SLCO1B1: variants seen among roughly 807,000 people sequenced by gnomAD.
The protein encoded by SLCO1B1 is solute carrier organic anion transporter family member 1B1, also known as OATP-2.
In SLCO1B1, 81 loss-of-function variants were observed where a neutral mutation model predicts 70.1. The observed-to-expected ratio is 1.16, with a 90% CI of 0.97 to 1.39. The LOEUF (loss-of-function observed/expected upper bound fraction) is 1.39. Ranked by LOEUF, SLCO1B1 falls within the 40% of genes most tolerant of loss-of-function variation. The pLI is 0.00. For synonymous variants in SLCO1B1, 283 were observed against 271.5 expected (o/e 1.04, Z -0.42); for missense variants, 895 against 799.6 (o/e 1.12, Z -1.44).
chr12:21,165,755 G>C (rs11045808), intron 2 of SLCO1B1, among the ~76,000 whole-genome samples: 17,809 of 152,064 alleles, frequency 0.12, 1,351 homozygotes, highest in South Asian at 0.29. Context: ...ACAAAGAGAA[G>C]TTAGCTGTTT....
chr12:21,209,567 T>C (rs921737542), intron 11 of SLCO1B1, among the ~76,000 whole-genome samples: 4 of 152,206 alleles, frequency 2.6e-5, no homozygotes, highest in Admixed American at 6.5e-5. Flanking sequence ...CATTTGGGTA[T>C]ATACCCAGTA....
chr12:21,153,402 G>T (rs180772155), intron 2 of SLCO1B1, among the ~76,000 whole-genome samples: 1 of 151,866 alleles, frequency 6.6e-6, no homozygotes, highest in African/African-American at 2.4e-5. Context: ...GAGATTTTTC[G>T]TAATAAATTT....
At chr12:21,233,715 A>T (rs2121208245) in intron 14 of SLCO1B1, among the ~76,000 whole-genome samples, 1 of 152,302 alleles carries the variant, frequency 6.6e-6, no homozygotes, top group Middle Eastern at 3.4e-3. Context: ...TAGTTTGGAG[A>T]CAGACATCAT....
chr12:21,169,016 A>T (rs1385292043), intron 2 of SLCO1B1, among the ~76,000 whole-genome samples: 1 of 151,968 alleles, frequency 6.6e-6, no homozygotes, highest in East Asian at 1.9e-4. Flanking sequence ...TTAGGTATTT[A>T]GTTCATTTTG....
chr12:21,178,927 T>A lies in SLCO1B1; in HGVS notation c.634T>A (p.Leu212Met), dbSNP rs929475568. ...EGHSSLYLGILNAIAMIGPII... is the reference protein window; with the variant it reads ...EGHSSLYLGIMNAIAMIGPII... ...TTGCTTTATAATATTTTCAGGTATA[T>A]TGAATGCAATAGCAATGATTGGTCC... is the stretch of plus-strand genomic sequence containing the variant. The change falls in exon 7 of 15, where the codon TTG (leucine) becomes ATG (methionine). Residue 212 changes from leucine to methionine, a missense_variant. Leu to Met is a conservative substitution (Grantham distance 15). Coordinates refer to ENST00000256958, the MANE Select transcript of SLCO1B1 (RefSeq NM_006446.5). The A allele has an allele frequency of 3.1e-6, 5 of 1,606,114 alleles. No individual in the cohort carries two copies. The highest frequency in any genetic ancestry group is 4.3e-6 in the Non-Finnish European group (5 of 1,173,530).
chr12:21,209,343 A>G (rs886064869), intron 11 of SLCO1B1, among the ~76,000 whole-genome samples: 11 of 152,062 alleles, frequency 7.2e-5, no homozygotes, highest in Admixed American at 6.6e-4. Flanking sequence ...TTTACTGAGA[A>G]TGATGTTTTC....
chr12:21,182,159 G>A (rs1453469711), intron 7 of SLCO1B1, among the ~76,000 whole-genome samples: 1 of 152,122 alleles, frequency 6.6e-6, no homozygotes, highest in African/African-American at 2.4e-5. Context: ...CCCAGTGCAG[G>A]GTTGTTGAAC....
At chr12:21,238,171 G>T (rs537458981) in intron 14 of SLCO1B1, among the ~76,000 whole-genome samples, 1 of 151,934 alleles carries the variant, frequency 6.6e-6, no homozygotes, top group Non-Finnish European at 1.5e-5. Context: ...AGTTTTGGAG[G>T]TTTTCATTGA....
chr12:21,137,224 G>T (rs1476075129), intron 1 of SLCO1B1, among the ~76,000 whole-genome samples: 2 of 152,140 alleles, frequency 1.3e-5, no homozygotes, highest in South Asian at 4.1e-4. Context: ...GACCGTGTGA[G>T]GTGTCAGTCC....
At chr12:21,163,903 T>A (rs993037719) in intron 2 of SLCO1B1, among the ~76,000 whole-genome samples, 1 of 150,558 alleles carries the variant, frequency 6.6e-6, no homozygotes, top group Non-Finnish European at 1.5e-5. Flanking sequence ...AGCAAGAGTA[T>A]GTAGAGTAAA....
chr12:21,222,195 G>T, intron 12 of SLCO1B1, 105 bp from the exon 13 acceptor site: 1 of 420,454 alleles, frequency 2.4e-6, no homozygotes, highest in Non-Finnish European at 4.4e-6. Context: ...TCAACTGTGA[G>T]CTTAATTCTA....
chr12:21,166,219 C>A (rs1940683465), intron 2 of SLCO1B1, among the ~76,000 whole-genome samples: 1 of 151,900 alleles, frequency 6.6e-6, no homozygotes, highest in South Asian at 2.1e-4. Context: ...CAAATAAACT[C>A]AGAGATCCAC....
At chr12:21,155,245 T>A (rs1258996710) in intron 2 of SLCO1B1, among the ~76,000 whole-genome samples, 1 of 152,018 alleles carries the variant, frequency 6.6e-6, no homozygotes, top group East Asian at 1.9e-4. Flanking sequence ...ATTATGTATA[T>A]CTTAACCTTT....
rs190554002 is a variant in SLCO1B1, at chr12:21,231,756, G to A, written c.1865+6917G>A. On this transcript the variant is annotated intron_variant, in intron 14 of 14. Transcript: ENST00000256958. ...TGTATATATACACACAAACGTATAT[G>A]TGTGTCTGTAAAGAGAGAGGGAGAG... Among the ~76,000 whole-genome samples the A allele has an allele frequency of 2.4e-4, 36 of 151,980 alleles. 1 individual carries two copies. The East Asian group carries it at 6.8e-3, about 29-fold the overall frequency.
At chr12:21,211,649 CT>C (rs1941286950) in intron 11 of SLCO1B1, among the ~76,000 whole-genome samples, 1 of 152,074 alleles carries the variant, frequency 6.6e-6, no homozygotes, top group Non-Finnish European at 1.5e-5. Flanking sequence ...CCAGTTCCTC[CT>C]TGTACCTCTG....
At chr12:21,234,510 TG>T (rs1351028010) in intron 14 of SLCO1B1, among the ~76,000 whole-genome samples, 1 of 152,140 alleles carries the variant, frequency 6.6e-6, no homozygotes, top group African/African-American at 2.4e-5. Flanking sequence ...GTTACTGTCT[TG>T]GTTTTAAACT....
intron 7 of SLCO1B1, among the ~76,000 whole-genome samples, chr12:21,192,715 A>T (rs1941045168): frequency 6.6e-6 from 1 of 151,976 alleles, no homozygotes; most frequent in Non-Finnish European, 1.5e-5. Context: ...TACTAGCATA[A>T]TTATGTGATA....
At chr12:21,154,248 A>G (rs944069987) in intron 2 of SLCO1B1, among the ~76,000 whole-genome samples, 2 of 152,040 alleles carry the variant, frequency 1.3e-5, no homozygotes, top group Non-Finnish European at 2.9e-5. Flanking sequence ...AGGTGATTCT[A>G]TTAGAAGGTG....
At chr12:21,170,961 G>A (rs1940749229) in intron 2 of SLCO1B1, among the ~76,000 whole-genome samples, 1 of 152,186 alleles carries the variant, frequency 6.6e-6, no homozygotes, top group African/African-American at 2.4e-5. Flanking sequence ...TATTTCTTAA[G>A]CATCTTTGTG....
Sources: gnomAD v4.1 joint callset for allele counts (sites outside exome capture counted in the v4.1 genomes callset) on GRCh38, gnomAD v4.1.1 for gene constraint, MANE v1.5 for transcripts, NCBI Gene and HGNC (gene_info 2026-07-23, HGNC 2026-07-21) for gene names.